Variants in INO80 observed in about 807,000 individuals in gnomAD.
INO80 encodes the protein INO80 complex ATPase subunit, also known as chromatin-remodeling ATPase INO80.
In INO80, 20 loss-of-function variants were observed where a neutral mutation model predicts 203.4. The observed-to-expected ratio is 0.10, with a 90% confidence interval of 0.07 to 0.14. INO80 has a LOEUF of 0.14. Among genes scored for constraint, INO80 ranks in the 10% least tolerant of loss-of-function variants. The pLI is 1.00. For missense variants in INO80, 1,419 were observed against 1,914.4 expected (o/e 0.74, Z 4.83); for synonymous variants, 726 against 685.2 (o/e 1.06, Z -0.93).
In INO80 at chr15:41,016,363, C is replaced by T. The variant is rs188939503; in HGVS notation, c.3275-148G>A. 2,301 of 742,010 alleles carry T rather than the reference C, an allele frequency of 3.1e-3. 15 individuals carry two copies. The highest frequency in any genetic ancestry group is 0.011 in the South Asian group (572 of 50,590). 46.0% of individuals were successfully genotyped at this position (742,010 alleles called of 1,614,324 possible). A position where few individuals can be genotyped will look rare whatever the true frequency, so the allele number is the denominator to read the frequency against. On this transcript the variant is annotated intron_variant, in intron 26 of 35. Transcript: ENST00000648947. ...AAAGTGCTCTAAAGGGAGAATGCAA[C>T]GCCCTGAAAATATCACGACTCCAGG...
intron 27 of INO80, among the ~76,000 whole-genome samples, chr15:41,008,914 A>G (rs1596254935): frequency 6.6e-6 from 1 of 152,314 alleles, no homozygotes; most frequent in East Asian, 1.9e-4. Context: ...GCTCACAGCA[A>G]CTTCCACTTC....
chr15:41,003,348 T>TTTTG (rs2043992129), intron 28 of INO80, among the ~76,000 whole-genome samples: 2 of 142,024 alleles, frequency 1.4e-5, no homozygotes, highest in African/African-American at 2.6e-5. Flanking sequence ...TTTTTTTTTT[T>TTTTG]GAGATGGAGT....
chr15:41,098,594 C>T (rs1315925583), intron 1 of INO80, among the ~76,000 whole-genome samples: 1 of 151,956 alleles, frequency 6.6e-6, no homozygotes, highest in Non-Finnish European at 1.5e-5. Context: ...GGATCACTTA[C>T]AGCCCAGGAG....
intron 1 of INO80, among the ~76,000 whole-genome samples, chr15:41,105,123 T>C (rs1596330689): frequency 6.6e-6 from 1 of 152,220 alleles, no homozygotes; most frequent in African/African-American, 2.4e-5. Flanking sequence ...AAGTCAGTCA[T>C]ATCTGTGATA....
chr15:41,018,763 A>G (rs1463147147), intron 26 of INO80: 1 of 152,210 alleles, frequency 6.6e-6, no homozygotes, highest in African/African-American at 2.4e-5. Flanking sequence ...CAGTCACTTA[A>G]GTTGCACTGG....
chr15:41,078,263 G>C (rs2045435181), intron 9 of INO80, among the ~76,000 whole-genome samples: 1 of 152,082 alleles, frequency 6.6e-6, no homozygotes, highest in Non-Finnish European at 1.5e-5. Flanking sequence ...AGTAGATTAA[G>C]AAAACAGAAA....
intron 1 of INO80, among the ~76,000 whole-genome samples, chr15:41,099,513 G>T (rs1043363227): frequency 1.3e-4 from 20 of 152,070 alleles, no homozygotes; most frequent in African/African-American, 4.8e-4. Flanking sequence ...CAGGAGCAGT[G>T]GCTGAAGCTT....
chr15:40,987,074 A>C lies in INO80; in HGVS notation c.3832+17T>G. The stretch of plus-strand genomic sequence containing the variant: ...TCAGATACGTGAGGGGAGTGTATAG[A>C]GGTTTAGAGTACATACGTTTCTTCT... On this transcript the variant is annotated intron_variant, in intron 31 of 35. Transcript: ENST00000648947. The C allele has an allele frequency of 7.0e-7, 1 of 1,429,060 alleles. No individual in the cohort carries two copies. Among genetic ancestry groups the C allele is most frequent in the Non-Finnish European group, 9.9e-7 (1 of 1,011,498 alleles). The allele number at this position is 1,429,060 out of a possible 1,614,324, so 88.5% of individuals were successfully genotyped here.
intron 29 of INO80, among the ~76,000 whole-genome samples, chr15:40,994,273 C>G (rs1054047111): frequency 9.2e-5 from 14 of 152,166 alleles, no homozygotes; most frequent in Non-Finnish European, 1.5e-5. Flanking sequence ...TCAGAGATGC[C>G]TTACCAATCC....
rs1893923994 is a variant in INO80, at chr15:40,983,833, G to A, written c.4166C>T (p.Ser1389Phe). ...DMLVIVDDPA[S>F]SAPQSRATNS... ...GGTAGCTCGAGACTGAGGGGCTGAGGAGGCTGGGTCATCCACAATGACCAG... is the reference window on the plus strand; with the variant it reads ...GGTAGCTCGAGACTGAGGGGCTGAGAAGGCTGGGTCATCCACAATGACCAG... Residue 1389 changes from serine to phenylalanine, a missense_variant, in exon 34 of 36, where the codon TCC (serine) becomes TTC (phenylalanine). Transcript: ENST00000648947. The A allele has an allele frequency of 6.2e-7, 1 of 1,613,032 alleles. No homozygotes were observed. The highest frequency in any genetic ancestry group is 1.3e-5 in the African/African-American group (1 of 75,002).
chr15:41,033,520 T>C (rs2044524007), intron 24 of INO80, among the ~76,000 whole-genome samples: 1 of 152,016 alleles, frequency 6.6e-6, no homozygotes, highest in Admixed American at 6.6e-5. Context: ...ATCACACTCT[T>C]TATCCACTGC....
In INO80 at chr15:41,087,697, G is replaced by T; in HGVS notation, c.538-15C>A. On this transcript the variant is annotated splice_polypyrimidine_tract_variant and intron_variant, in intron 5 of 35. Coordinates refer to ENST00000648947, the MANE Select transcript of INO80 (RefSeq NM_017553.3). ...TATTGCTGCAACTGAAGCAGGCAAA[G>T]ACCATGATGGGCCTGTTTTCTATAG... The T allele has an allele frequency of 6.2e-7, 1 of 1,605,276 alleles. No individual in the cohort carries two copies. Among genetic ancestry groups the T allele is most frequent in the African/African-American group, 1.3e-5 (1 of 74,654 alleles).
At chr15:41,030,500 C>T (rs1285692279) in intron 24 of INO80, among the ~76,000 whole-genome samples, 1 of 151,538 alleles carries the variant, frequency 6.6e-6, no homozygotes, top group Non-Finnish European at 1.5e-5. Flanking sequence ...AGTAGGTGGG[C>T]CTACAGGTGC....
At chr15:41,079,995 T>C in intron 8 of INO80, 91 bp from the exon 9 acceptor site, 2 of 1,090,350 alleles carry the variant, frequency 1.8e-6, no homozygotes, top group Admixed American at 3.6e-5. Context: ...CTCAATCTGT[T>C]CAGCCAAACT....
chr15:41,074,478 G>T lies in INO80; in HGVS notation c.1219C>A (p.His407Asn), dbSNP rs148514371. The T allele has an allele frequency of 1.1e-5, 18 of 1,613,744 alleles. No individual in the cohort carries two copies. In the African/African-American group the frequency reaches 2.4e-4, roughly 22 times the overall value. Residue 407 changes from histidine (H) to asparagine (N), a missense_variant, in exon 10 of 36, where the codon CAT becomes AAT. Transcript: ENST00000648947. The stretch of plus-strand genomic sequence containing the variant: ...AGGATTTCTTCCTGGATACCATCAT[G>T]ACCCATATCTCGTTTGCGACTCATG... ...HFMSRKRDMGHDGIQEEILRK... is the reference protein window; with the variant it reads ...HFMSRKRDMGNDGIQEEILRK...
At chr15:41,028,212 T>C (rs2044405720) in intron 24 of INO80, among the ~76,000 whole-genome samples, 1 of 152,154 alleles carries the variant, frequency 6.6e-6, no homozygotes, top group Non-Finnish European at 1.5e-5. Context: ...CTCAGCTCAC[T>C]GCAACCTCCA....
intron 26 of INO80, chr15:41,018,808 A>T (rs541519504): frequency 6.6e-6 from 1 of 152,244 alleles, no homozygotes; most frequent in African/African-American, 2.4e-5. Flanking sequence ...CAGGATACAG[A>T]GACACAAGGA....
intron 26 of INO80, chr15:41,018,001 A>G (rs555473034): frequency 8.5e-5 from 13 of 152,174 alleles, no homozygotes; most frequent in African/African-American, 2.9e-4. Context: ...TCTTACCACA[A>G]TTACCCTTCT....
At chr15:40,997,133 T>C (rs1203471734) in intron 29 of INO80, among the ~76,000 whole-genome samples, 1 of 151,932 alleles carries the variant, frequency 6.6e-6, no homozygotes, top group Non-Finnish European at 1.5e-5. Flanking sequence ...AAAAATTAGC[T>C]GGGCATGGTG....
Sources: allele counts gnomAD v4.1 joint callset (sites outside exome capture counted in the v4.1 genomes callset), GRCh38; gene constraint gnomAD v4.1.1; transcripts MANE v1.5; gene names NCBI Gene and HGNC (gene_info 2026-07-23, HGNC 2026-07-21).